Variants in SPATS1 observed in about 807,000 individuals in gnomAD.
The protein encoded by SPATS1 is spermatogenesis-associated serine-rich protein 1.
A neutral mutation model predicts 33.6 loss-of-function variants in SPATS1; 23 were observed. That is an observed-to-expected ratio of 0.68 (90% CI 0.49 to 0.97). SPATS1 has a LOEUF of 0.97. SPATS1 is among the 50% of genes least tolerant of loss of function. The pLI is 0.00. For synonymous variants in SPATS1, 131 were observed against 125.6 expected (o/e 1.04, Z -0.29); for missense variants, 327 against 361.0 (o/e 0.91, Z 0.76).
chr6:44,353,661 AATGCT>A (rs1490609472), intron 3 of SPATS1, among the ~76,000 whole-genome samples: 1 of 152,192 alleles, frequency 6.6e-6, no homozygotes, highest in East Asian at 1.9e-4. Context: ...AAGTTTTGAA[AATGCT>A]TTTCTAATAA....
At chr6:44,344,805 C>A (rs375704112) in intron 2 of SPATS1, among the ~76,000 whole-genome samples, 1 of 152,176 alleles carries the variant, frequency 6.6e-6, no homozygotes, top group Non-Finnish European at 1.5e-5. Context: ...GTTACCAGAA[C>A]CTTCTCTTGG....
Position 44,368,376 on chromosome 6 carries a change from C to T in SPATS1, c.575-3C>T. 6.2e-7 allele frequency: 1 copy of T among 1,612,300 alleles called. No homozygotes were observed. Among genetic ancestry groups the T allele is most frequent in the Non-Finnish European group, 8.5e-7 (1 of 1,179,230 alleles). On this transcript the variant is annotated splice_polypyrimidine_tract_variant and splice_region_variant and intron_variant, in intron 5 of 8. Coordinates refer to ENST00000674044, the MANE Select transcript of SPATS1 (RefSeq NM_001372081.1). Reference sequence around the variant, plus strand: ...TGATTTTGTTTTCAAACCTTCTCCACAGATATTGATCCCAGGAATGGAATC... The same window carrying T: ...TGATTTTGTTTTCAAACCTTCTCCATAGATATTGATCCCAGGAATGGAATC...
intron 6 of SPATS1, 54 bp from the exon 7 acceptor site, chr6:44,369,997 T>A: frequency 7.5e-7 from 1 of 1,333,418 alleles, no homozygotes; most frequent in Non-Finnish European, 1.1e-6. Flanking sequence ...GATGTATTGA[T>A]CTCTTTGCTG....
At chr6:44,354,550 AT>A (rs1788452241) in intron 3 of SPATS1, among the ~76,000 whole-genome samples, 1 of 152,102 alleles carries the variant, frequency 6.6e-6, no homozygotes, top group South Asian at 2.1e-4. Context: ...GGGTTTTACT[AT>A]TTTTAGAGCA....
At chr6:44,374,391 T>C (rs1031454942) in intron 7 of SPATS1, among the ~76,000 whole-genome samples, 5 of 152,218 alleles carry the variant, frequency 3.3e-5, no homozygotes, top group Non-Finnish European at 2.9e-5. Flanking sequence ...ATTATGAAAG[T>C]ATCTTTATTT....
At chr6:44,342,869 C>G (rs883194) in intron 1 of SPATS1, 101 bp downstream of exon 1, 297,741 of 1,286,956 alleles carry the variant, frequency 0.23, 36,291 homozygotes, top group East Asian at 0.34. Flanking sequence ...TGGATGGGGG[C>G]TGCAGCGAGC....
chr6:44,368,975 C>A (rs1265595266), intron 6 of SPATS1, among the ~76,000 whole-genome samples: 1 of 150,292 alleles, frequency 6.7e-6, no homozygotes, highest in Non-Finnish European at 1.5e-5. Flanking sequence ...CAGCTCACTG[C>A]AAGCTCTGCC....
At position 44,371,835 on chromosome 6, in the gene SPATS1, C is replaced by T. The variant is rs143971050; in HGVS notation, c.758+1722C>T. Among the ~76,000 whole-genome samples the T allele has an allele frequency of 2.6e-3, 396 of 151,502 alleles. 4 individuals carry two copies. Among genetic ancestry groups the T allele is most frequent in the African/African-American group, 9.3e-3 (384 of 41,220 alleles). ...TGGCAGGCGCCTGTGGTCCCAGCTA[C>T]TCGGGAGGCTGAGGCAGGAGAATGG... On this transcript the variant is annotated intron_variant, in intron 7 of 8. Coordinates refer to ENST00000674044, the MANE Select transcript of SPATS1 (RefSeq NM_001372081.1).
intron 7 of SPATS1, among the ~76,000 whole-genome samples, chr6:44,375,058 C>T (rs1374217337): frequency 6.6e-6 from 1 of 152,224 alleles, no homozygotes; most frequent in Non-Finnish European, 1.5e-5. Context: ...CCCAGAGTCA[C>T]ACTTCCTACT....
rs1293433861 is a variant in SPATS1 at position 44,379,375 on chromosome 6, G to A, written c.*2312G>A. ...GGAGGCCGAGGCAGGCGGATCACGA[G>A]GTCAGGAGATCGAGACCATCCTGGC... is the stretch of plus-strand genomic sequence containing the variant. On this transcript the variant is annotated 3_prime_UTR_variant, in exon 9 of 9. Coordinates refer to ENST00000674044, the MANE Select transcript of SPATS1 (RefSeq NM_001372081.1). Among the ~76,000 whole-genome samples the A allele has an allele frequency of 1.3e-5, 2 of 152,008 alleles. No homozygotes were observed. The highest frequency in any genetic ancestry group is 2.1e-4 in the South Asian group (1 of 4,812).
chr6:44,346,379 G>A (rs2153364728), intron 2 of SPATS1, among the ~76,000 whole-genome samples: 1 of 152,106 alleles, frequency 6.6e-6, no homozygotes, highest in South Asian at 2.1e-4. Flanking sequence ...CTATATGTAT[G>A]TGTTATTTTA....
At chr6:44,365,296 T>A (rs1042990566) in intron 5 of SPATS1, among the ~76,000 whole-genome samples, 8 of 152,240 alleles carry the variant, frequency 5.3e-5, no homozygotes, top group African/African-American at 1.9e-4. Context: ...CAAAATGCCA[T>A]CTATGATTGT....
At chr6:44,364,567 A>C (rs1400010525) in intron 5 of SPATS1, among the ~76,000 whole-genome samples, 1 of 151,752 alleles carries the variant, frequency 6.6e-6, no homozygotes, top group Non-Finnish European at 1.5e-5. Context: ...GTATATGATT[A>C]CTTCTTAGGT....
chr6:44,355,515 A>C (rs1291269301), intron 3 of SPATS1, among the ~76,000 whole-genome samples: 1 of 152,198 alleles, frequency 6.6e-6, no homozygotes, highest in Non-Finnish European at 1.5e-5. Context: ...GCGGTGCTTG[A>C]GTGTCAGATG....
chr6:44,362,805 T>C (rs1789000886), intron 5 of SPATS1, among the ~76,000 whole-genome samples: 1 of 152,146 alleles, frequency 6.6e-6, no homozygotes, highest in Non-Finnish European at 1.5e-5. Context: ...AGAGTGGTCA[T>C]TGATATGGAA....
At chr6:44,366,387 G>T (rs990873161) in intron 5 of SPATS1, among the ~76,000 whole-genome samples, 1 of 152,186 alleles carries the variant, frequency 6.6e-6, no homozygotes, top group Non-Finnish European at 1.5e-5. Flanking sequence ...GCCTCCCAAA[G>T]TGCTGGGATT....
intron 3 of SPATS1, among the ~76,000 whole-genome samples, chr6:44,359,474 G>A (rs1227989767): frequency 6.6e-6 from 1 of 152,074 alleles, no homozygotes; most frequent in East Asian, 1.9e-4. Flanking sequence ...TTTCATATAA[G>A]TGGAATCACA....
intron 2 of SPATS1, 45 bp from the exon 3 acceptor site, chr6:44,352,681 G>A (rs1788312211): frequency 6.4e-7 from 1 of 1,564,700 alleles, no homozygotes; most frequent in Non-Finnish European, 8.8e-7. Context: ...AGGGTGGAAT[G>A]TATTTTCAAT....
chr6:44,347,886 CT>C (rs1285372016), intron 2 of SPATS1, among the ~76,000 whole-genome samples: 8 of 152,252 alleles, frequency 5.3e-5, no homozygotes, highest in African/African-American at 1.9e-4. Flanking sequence ...ATAAATTATA[CT>C]CCATGGCTAT....
Sources: allele counts gnomAD v4.1 joint callset (sites outside exome capture counted in the v4.1 genomes callset), GRCh38; gene constraint gnomAD v4.1.1; transcripts MANE v1.5; gene names NCBI Gene and HGNC (gene_info 2026-07-23, HGNC 2026-07-21).